The following RICTOR variants were observed in gnomAD, a reference collection of about 807,000 sequenced individuals.
RICTOR encodes rapamycin-insensitive companion of mTOR.
RICTOR carries 49 observed loss-of-function variants against 214.9 expected under a neutral mutation model. The ratio of observed to expected loss-of-function variants is 0.23; its 90% CI spans 0.18 to 0.29. RICTOR has a LOEUF of 0.29. Among genes scored for constraint, RICTOR ranks in the 10% least tolerant of loss-of-function variants. The pLI, the probability that RICTOR is intolerant of heterozygous loss-of-function variation, is 1.00. For missense variants in RICTOR, 1,625 were observed against 2,047.0 expected (o/e 0.79, Z 3.98); for synonymous variants, 717 against 711.3 (o/e 1.01, Z -0.13).
intron 7 of RICTOR, among the ~76,000 whole-genome samples, chr5:38,988,513 A>T (rs540592137): frequency 6.6e-6 from 1 of 152,014 alleles, no homozygotes; most frequent in Admixed American, 6.5e-5. Flanking sequence ...TAGGATTGCA[A>T]CCCATGCTTC....
chr5:39,024,110 G>A (rs1164536068), intron 2 of RICTOR, among the ~76,000 whole-genome samples: 2 of 152,106 alleles, frequency 1.3e-5, no homozygotes, highest in African/African-American at 4.8e-5. Flanking sequence ...CCTCGCATGT[G>A]CAGTTCACAA....
intron 10 of RICTOR, 86 bp downstream of exon 10, chr5:38,975,451 T>C: frequency 1.1e-6 from 1 of 888,654 alleles, no homozygotes; most frequent in East Asian, 2.5e-5. Flanking sequence ...AGCATCTGAA[T>C]TAGGTGCTAC....
chr5:38,942,619 TA>T (rs368923211), intron 37 of RICTOR, among the ~76,000 whole-genome samples: 113 of 133,650 alleles, frequency 8.5e-4, no homozygotes, highest in Non-Finnish European at 1.1e-3. Context: ...CTCGGCTAAT[TA>T]AAAAAAAAAA....
chr5:39,049,770 G>A (rs1222782880), intron 2 of RICTOR, among the ~76,000 whole-genome samples: 3 of 152,084 alleles, frequency 2.0e-5, no homozygotes, highest in Non-Finnish European at 4.4e-5. Flanking sequence ...GGGATGAACA[G>A]CATAAACACT....
intron 11 of RICTOR, chr5:38,971,670 C>T (rs1006182742): frequency 7.9e-6 from 3 of 378,048 alleles, no homozygotes; most frequent in African/African-American, 4.3e-5. Flanking sequence ...CATGAGCCAC[C>T]GTGCCCAGAC....
intron 31 of RICTOR, 75 bp downstream of exon 31, chr5:38,949,637 C>A (rs1748533707): frequency 2.2e-5 from 30 of 1,355,418 alleles, no homozygotes; most frequent in Non-Finnish European, 2.8e-5. Context: ...TAGTGTAAAA[C>A]CTGGCTAACA....
At chr5:39,043,304 C>T (rs768465857) in intron 2 of RICTOR, among the ~76,000 whole-genome samples, 1 of 151,944 alleles carries the variant, frequency 6.6e-6, no homozygotes, top group Non-Finnish European at 1.5e-5. Context: ...ATTACTCAGC[C>T]ATTAAAAAAA....
intron 11 of RICTOR, 133 bp from the exon 12 acceptor site, chr5:38,968,163 T>C: frequency 1.6e-6 from 1 of 622,570 alleles, no homozygotes; most frequent in Admixed American, 2.6e-5. Context: ...AACAATATTT[T>C]AGTCAATGAT....
chr5:38,964,386 C>A (rs904322270), intron 16 of RICTOR, among the ~76,000 whole-genome samples: 3 of 151,592 alleles, frequency 2.0e-5, no homozygotes, highest in Non-Finnish European at 4.4e-5. Context: ...GTACTTGTTA[C>A]TAAATTGCAA....
chr5:38,972,167 C>T lies in RICTOR; in HGVS notation c.890-208G>A, dbSNP rs576381616. Among the ~76,000 whole-genome samples, 30 of 152,230 alleles carry T rather than the reference C, an allele frequency of 2.0e-4. No homozygotes were observed. The South Asian group carries it at 3.9e-3, about 20-fold the overall frequency. ...ATTGATTAGAGATTACCAATAATTTCGTCATTTAAATTCCATCTTCAGTAT... is the reference window on the plus strand; with the variant it reads ...ATTGATTAGAGATTACCAATAATTTTGTCATTTAAATTCCATCTTCAGTAT... On this transcript the variant is annotated intron_variant, in intron 10 of 37. Transcript: ENST00000357387.
intron 5 of RICTOR, among the ~76,000 whole-genome samples, chr5:39,000,817 C>A (rs912462356): frequency 6.6e-5 from 10 of 151,910 alleles, no homozygotes; most frequent in Non-Finnish European, 1.5e-4. Flanking sequence ...ATATCTCCCC[C>A]CAATTTTTTT....
intron 2 of RICTOR, among the ~76,000 whole-genome samples, chr5:39,033,161 A>G (rs1347498612): frequency 6.6e-6 from 1 of 152,160 alleles, no homozygotes; most frequent in East Asian, 1.9e-4. Flanking sequence ...GTAAACTTCA[A>G]CTGCAGTGTC....
chr5:39,026,939 C>T (rs935214126), intron 2 of RICTOR, among the ~76,000 whole-genome samples: 32 of 151,940 alleles, frequency 2.1e-4, no homozygotes, highest in African/African-American at 6.5e-4. Flanking sequence ...ACCCGGGAAA[C>T]GGAGGTTGTG....
intron 7 of RICTOR, among the ~76,000 whole-genome samples, chr5:38,990,624 GATAT>G (rs529150478): frequency 5.2e-5 from 4 of 77,434 alleles, no homozygotes; most frequent in African/African-American, 5.0e-5. Flanking sequence ...TACGATATAT[GATAT>G]ATATATCTGA....
At chr5:38,969,039 G>A (rs938644045) in intron 11 of RICTOR, among the ~76,000 whole-genome samples, 2 of 139,988 alleles carry the variant, frequency 1.4e-5, no homozygotes, top group East Asian at 2.3e-4. Context: ...GCACAATCTC[G>A]GCTCACTGTA....
At chr5:39,033,526 T>G (rs1756424097) in intron 2 of RICTOR, among the ~76,000 whole-genome samples, 1 of 152,200 alleles carries the variant, frequency 6.6e-6, no homozygotes. Flanking sequence ...CCTCCCAAAG[T>G]GCTGGGATTA....
intron 8 of RICTOR, among the ~76,000 whole-genome samples, chr5:38,979,475 C>T (rs865972611): frequency 6.6e-6 from 1 of 152,084 alleles, no homozygotes; most frequent in Non-Finnish European, 1.5e-5. Context: ...TCATTCCTTC[C>T]TGCATTTCTT....
intron 2 of RICTOR, among the ~76,000 whole-genome samples, chr5:39,027,229 G>A (rs1266524453): frequency 6.6e-6 from 1 of 151,988 alleles, no homozygotes; most frequent in African/African-American, 2.4e-5. Context: ...GATAATACAT[G>A]GCAATTCAAG....
intron 4 of RICTOR, among the ~76,000 whole-genome samples, chr5:39,002,939 A>G (rs1030194131): frequency 6.6e-6 from 1 of 152,092 alleles, no homozygotes. Context: ...ATTTTATATA[A>G]ACAATGGAAA....
Sources: allele counts gnomAD v4.1 joint callset (sites outside exome capture counted in the v4.1 genomes callset), GRCh38; gene constraint gnomAD v4.1.1; transcripts MANE v1.5; gene names NCBI Gene and HGNC (gene_info 2026-07-23, HGNC 2026-07-21).